MAP4K1: variants seen among roughly 807,000 people sequenced by gnomAD.
MAP4K1 encodes the protein mitogen-activated protein kinase kinase kinase kinase 1.
Under a neutral mutation model 122.8 loss-of-function variants are expected in MAP4K1, and 35 were observed. The observed-to-expected ratio is 0.29, with a 90% CI of 0.22 to 0.38. The LOEUF (loss-of-function observed/expected upper bound fraction) is 0.38, where lower values mean the gene tolerates loss of function less well. MAP4K1 is among the 10% of genes least tolerant of loss of function. The probability of loss-of-function intolerance (pLI) is 1.00; values close to 1 mark genes in which losing one functional copy is unlikely to be tolerated. For missense variants in MAP4K1, 791 were observed against 1,072.6 expected (o/e 0.74, Z 3.67); for synonymous variants, 412 against 421.3 (o/e 0.98, Z 0.27).
In MAP4K1 at chr19:38,595,707, C is replaced by A; in HGVS notation, c.2202G>T (p.Pro734=). 4 of 1,605,926 alleles carry A rather than the reference C, an allele frequency of 2.5e-6. No homozygotes were observed. The highest frequency in any genetic ancestry group is 1.3e-5 in the African/African-American group (1 of 74,530). Residue 734 remains proline (P), a synonymous_variant, in exon 28 of 31, where the codon CCG becomes CCT. Transcript: ENST00000396857. The part of the protein sequence containing the change: ...LMDGSVKLVT[P]EGSPVRGLRT... Reference sequence around the variant, plus strand: ...GAAGTCCCCGGACTGGGGACCCCTCCGGGGTCACCAGCTTCACAGAGCCTG... The same window carrying A: ...GAAGTCCCCGGACTGGGGACCCCTCAGGGGTCACCAGCTTCACAGAGCCTG...
rs547923124 is a variant in MAP4K1 at position 38,605,836 on chromosome 19, T to A, written c.1201-106A>T. On this transcript the variant is annotated intron_variant, in intron 17 of 30. Coordinates refer to ENST00000396857, the MANE Select transcript of MAP4K1 (RefSeq NM_001042600.3). ...CTCCACCAGAACTAACAGCTGTGGC[T>A]CTGACCCACCCCCCCGACAACATCT... 11 of 1,117,580 alleles carry A rather than the reference T, an allele frequency of 9.8e-6. No homozygotes were observed. In the Admixed American group the frequency reaches 2.7e-4, roughly 28 times the overall value. The allele number at this position is 1,117,580 out of a possible 1,614,324, so 69.2% of individuals were successfully genotyped here.
chr19:38,613,066 G>C (rs1255336373), intron 8 of MAP4K1, among the ~76,000 whole-genome samples: 1 of 151,998 alleles, frequency 6.6e-6, no homozygotes, highest in East Asian at 1.9e-4. Flanking sequence ...CCAGCACTTT[G>C]GGAGGTCAAG....
At chr19:38,600,184 A>T in intron 20 of MAP4K1, 31 bp from the exon 21 acceptor site, 11 of 1,601,730 alleles carry the variant, frequency 6.9e-6, no homozygotes, top group Non-Finnish European at 9.4e-6. Context: ...GCTGGGACCG[A>T]CTTCATCCTC....
chr19:38,601,355 CT>C, intron 20 of MAP4K1, 85 bp downstream of exon 20: 1 of 1,261,186 alleles, frequency 7.9e-7, no homozygotes, highest in Non-Finnish European at 1.1e-6. Flanking sequence ...CCGTCCCTGC[CT>C]TTGTGCCTTC....
intron 22 of MAP4K1, among the ~76,000 whole-genome samples, chr19:38,599,179 TA>T (rs1052535713): frequency 4.2e-5 from 5 of 119,180 alleles, no homozygotes; most frequent in African/African-American, 1.6e-4. Flanking sequence ...AAATAAAAAA[TA>T]AAAAAAGTAA....
chr19:38,590,107 G>A (rs1300720734), intron 30 of MAP4K1, among the ~76,000 whole-genome samples: 3 of 151,538 alleles, frequency 2.0e-5, no homozygotes, highest in Non-Finnish European at 4.4e-5. Context: ...CCAAATGACC[G>A]AAGTTAATAT....
At chr19:38,595,838 A>T in intron 27 of MAP4K1, 101 bp downstream of exon 27, 2 of 1,498,842 alleles carry the variant, frequency 1.3e-6, no homozygotes, top group South Asian at 2.3e-5. Context: ...GGCAAGGCCC[A>T]GAGGGGCTCA....
At chr19:38,616,466 G>A (rs1975650570) in intron 3 of MAP4K1, among the ~76,000 whole-genome samples, 1 of 152,142 alleles carries the variant, frequency 6.6e-6, no homozygotes, top group Non-Finnish European at 1.5e-5. Flanking sequence ...GAGGAAATGT[G>A]AGTTCCGGGG....
At chr19:38,604,083 G>A (rs1379916158) in intron 19 of MAP4K1, among the ~76,000 whole-genome samples, 3 of 129,908 alleles carry the variant, frequency 2.3e-5, no homozygotes, top group Non-Finnish European at 4.6e-5. Flanking sequence ...CCATGATCGC[G>A]CCACTGCACT....
chr19:38,594,880 G>A (rs767362186), intron 29 of MAP4K1, among the ~76,000 whole-genome samples: 4 of 152,138 alleles, frequency 2.6e-5, no homozygotes, highest in Non-Finnish European at 5.9e-5. Flanking sequence ...GGCAGAGGCT[G>A]CAGTGAGCCG....
chr19:38,617,883 C>T lies in MAP4K1; in HGVS notation c.13G>A (p.Asp5Asn). MDVV[D>N]PDIFNRDPRD... ...GGGTCTCTATTGAAAATGTCAGGGT[C>T]CACGACGTCCATCCCTGGGGGCCTG... The change falls in exon 1 of 31, where the codon GAC becomes AAC. Residue 5 changes from aspartate (D) to asparagine (N), a missense_variant. Coordinates refer to ENST00000396857, the MANE Select transcript of MAP4K1 (RefSeq NM_001042600.3). This position sits in a 1 kb window ranked among gnomAD's most constrained non-coding sequence, Gnocchi z 4.1. The T allele has an allele frequency of 6.2e-7, 1 of 1,614,108 alleles. No individual in the cohort carries two copies.
At position 38,595,654 on chromosome 19, in the gene MAP4K1, G is replaced by A; in HGVS notation, c.2255C>T (p.Ala752Val). 1 of 1,613,530 alleles carries A rather than the reference G, an allele frequency of 6.2e-7. No individual in the cohort carries two copies. Among genetic ancestry groups the A allele is most frequent in the Non-Finnish European group, 8.5e-7 (1 of 1,179,622 alleles). ...CCTGCACAGACCCACGGCCTCCACCGCTTCGGTCATGGGGATCTCAGGTGT... is the reference window on the plus strand; with the variant it reads ...CCTGCACAGACCCACGGCCTCCACCACTTCGGTCATGGGGATCTCAGGTGT... ...LRTPEIPMTE[A>V]VEAVAMVGGQ... Residue 752 changes from alanine to valine, a missense_variant, in exon 28 of 31, where the codon GCG becomes GTG. Around this residue, in one of 4 missense-constraint regions of MAP4K1, gnomAD observed 267 missense variants for 323.0 expected, o/e 0.83. Coordinates refer to ENST00000396857, the MANE Select transcript of MAP4K1 (RefSeq NM_001042600.3).
chr19:38,596,100 G>A (rs1270549995), intron 26 of MAP4K1, 99 bp from the exon 27 acceptor site: 1 of 1,386,778 alleles, frequency 7.2e-7, no homozygotes, highest in East Asian at 2.3e-5. Context: ...CACCGCCTCA[G>A]TTCACAAGCA....
intron 30 of MAP4K1, among the ~76,000 whole-genome samples, chr19:38,588,461 G>C (rs1568616641): frequency 6.6e-6 from 1 of 151,842 alleles, no homozygotes; most frequent in Non-Finnish European, 1.5e-5. Context: ...GAGGCCAAGG[G>C]GGGCAGATCA....
rs771465583 is a variant in MAP4K1 at position 38,617,380 on chromosome 19, G to A, written c.222C>T (p.Ile74=). The change falls in exon 3 of 31, where the codon ATC becomes ATT. Residue 74 remains isoleucine (I), a synonymous_variant. Transcript: ENST00000396857. The surrounding 1 kb of genome is among the most constrained non-coding windows in gnomAD (Gnocchi z 4.1). ...LILKTCRHAN[I]VAYHGSYLWL... ...AGAGATAACTCCCATGGTAGGCCACGATGTTGGCGTGCCGGCAAGTTTTCA... is the reference window on the plus strand; with the variant it reads ...AGAGATAACTCCCATGGTAGGCCACAATGTTGGCGTGCCGGCAAGTTTTCA... 3.1e-6 allele frequency: 5 copies of A among 1,613,812 alleles called. No individual in the cohort carries two copies. The highest frequency in any genetic ancestry group is 1.7e-5 in the Admixed American group (1 of 60,016).
intron 30 of MAP4K1, among the ~76,000 whole-genome samples, chr19:38,588,685 G>C (rs1974605584): frequency 6.6e-6 from 1 of 151,572 alleles, no homozygotes; most frequent in African/African-American, 2.4e-5. Context: ...CTGGGAGCCA[G>C]AGCTTGCAGT....
chr19:38,611,287 G>C lies in MAP4K1; in HGVS notation c.684C>G (p.Thr228=), dbSNP rs1267464111. Residue 228 remains threonine, a synonymous_variant, in exon 10 of 31, where the codon ACC becomes ACG. Transcript: ENST00000396857. ...VHPLRVLFLM[T]KSGYQPPRLK... is the part of the protein sequence containing the mutation. ...GTCGGGGAGGCTGGTAGCCACTCTT[G>C]GTCATGAGGAAGAGAACTCTAGAAT... 8.1e-6 allele frequency: 13 copies of C among 1,613,112 alleles called. No homozygotes were observed. Among genetic ancestry groups the C allele is most frequent in the Non-Finnish European group, 1.1e-5 (13 of 1,179,258 alleles).
At position 38,592,915 on chromosome 19, in the gene MAP4K1, C is replaced by CTTAATAAATAAATAAA. The variant is rs553588599; in HGVS notation, c.2396+366_2396+367insTTTATTTATTTATTAA. Among the ~76,000 whole-genome samples the CTTAATAAATAAATAAA allele has an allele frequency of 5.0e-4, 73 of 146,932 alleles. 1 individual carries two copies. Among genetic ancestry groups the CTTAATAAATAAATAAA allele is most frequent in the African/African-American group, 1.9e-3 (71 of 36,992 alleles). On this transcript the variant is annotated intron_variant, in intron 30 of 30. Transcript: ENST00000396857. ...CTGGGCAACAAAAGCAAAACTCCAT[C>CTTAATAAATAAATAAA]TCAATAAATAAATAAATAAATAAAT...
intron 30 of MAP4K1, among the ~76,000 whole-genome samples, chr19:38,589,569 C>T (rs2047823053): frequency 6.6e-6 from 1 of 151,840 alleles, no homozygotes; most frequent in Non-Finnish European, 1.5e-5. Flanking sequence ...GCATGCAACA[C>T]CATGCCCGGC....
Sources: allele counts gnomAD v4.1 joint callset (sites outside exome capture counted in the v4.1 genomes callset), GRCh38; gene constraint gnomAD v4.1.1; regional missense constraint gnomAD v4.1.1; non-coding constraint Gnocchi (gnomAD v3.1); transcripts MANE v1.5; gene names NCBI Gene and HGNC (gene_info 2026-07-23, HGNC 2026-07-21).